The following KLRD1 variants were observed in gnomAD, a reference collection of about 807,000 sequenced individuals.
KLRD1 encodes the protein natural killer cells antigen CD94.
KLRD1 carries 21 observed loss-of-function variants against 22.6 expected under a neutral mutation model. The observed-to-expected ratio is 0.93, with a 90% CI of 0.66 to 1.34. The LOEUF (loss-of-function observed/expected upper bound fraction) is 1.34, where lower values mean the gene tolerates loss of function less well. Ranked by LOEUF, KLRD1 falls within the 40% of genes most tolerant of loss-of-function variation. The probability of loss-of-function intolerance (pLI) is 0.00; values close to 1 mark genes in which losing one functional copy is unlikely to be tolerated. For synonymous variants in KLRD1, 59 were observed against 71.1 expected, an observed-to-expected ratio of 0.83 and a Z score of 0.85; for missense variants, 183 against 208.6, an observed-to-expected ratio of 0.88 and a Z score of 0.76.
rs1488232010 is a variant in KLRD1, at chr12:10,327,628, A to G, written c.*12835A>G. On this transcript the variant is annotated 3_prime_UTR_variant, in exon 6 of 6. Coordinates refer to ENST00000336164, the MANE Select transcript of KLRD1 (RefSeq NM_002262.5). ...AGCATGCCATAGGCAAACAGGGACC[A>G]TTGTACTTCTTCTTTTACAATCTGT... 3 of 152,162 alleles carry G rather than the reference A, an allele frequency of 2.0e-5. No homozygotes were observed. Among genetic ancestry groups the G allele is most frequent in the Non-Finnish European group, 4.4e-5 (3 of 68,012 alleles). 9.4% of individuals were successfully genotyped at this position (152,162 alleles called of 1,614,324 possible).
rs1949719991 is a variant in KLRD1 at position 10,287,638 on chromosome 12, A to C, written c.-100-20340A>C. 7.9e-5 allele frequency among the ~76,000 whole-genome samples: 12 copies of C among 152,366 alleles called. 1 individual carries two copies. In the South Asian group the frequency reaches 2.5e-3, roughly 32 times the overall value. ...TTAAATTATGCTTCTTAGAAGACAG[A>C]AGCATGAAATGGAGAAACGAGGAAA... On this transcript the variant is annotated intron_variant, in intron 1 of 5. Coordinates refer to the KLRD1 transcript ENST00000544747.
chr12:10,248,847 C>T (rs1949319399), intron 1 of KLRD1, among the ~76,000 whole-genome samples: 1 of 151,980 alleles, frequency 6.6e-6, no homozygotes, highest in African/African-American at 2.4e-5. Context: ...ATCCACCCAC[C>T]TCGGCCTCCC....
At chr12:10,298,646 A>G (rs1404321938) in intron 1 of KLRD1, among the ~76,000 whole-genome samples, 1 of 152,230 alleles carries the variant, frequency 6.6e-6, no homozygotes, top group Non-Finnish European at 1.5e-5. Flanking sequence ...CAGGGCGGGA[A>G]ACCTTTTAAG....
chr12:10,264,023 A>G, intron 1 of KLRD1, among the ~76,000 whole-genome samples: 1 of 152,128 alleles, frequency 6.6e-6, no homozygotes, highest in East Asian at 1.9e-4. Context: ...AAAATGAACT[A>G]ATGAGAAACC....
At chr12:10,285,079 C>A (rs1269714316) in intron 1 of KLRD1, among the ~76,000 whole-genome samples, 5 of 152,126 alleles carry the variant, frequency 3.3e-5, no homozygotes, top group Non-Finnish European at 7.4e-5. Flanking sequence ...TATAAAAGAA[C>A]AATCTATGCC....
intron 1 of KLRD1, among the ~76,000 whole-genome samples, chr12:10,250,784 A>G (rs1949339586): frequency 6.6e-6 from 1 of 152,164 alleles, no homozygotes; most frequent in African/African-American, 2.4e-5. Flanking sequence ...AAGTGGTTTC[A>G]AAGTCACATA....
At chr12:10,313,622 G>A in intron 5 of KLRD1, 109 bp downstream of exon 5, 7 of 556,456 alleles carry the variant, frequency 1.3e-5, no homozygotes, top group South Asian at 3.1e-5. Flanking sequence ...CCTTGTCTAG[G>A]GCATGAGAAT....
At chr12:10,239,447 T>TTA (rs374533642) in intron 1 of KLRD1, among the ~76,000 whole-genome samples, 1,014 of 34,176 alleles carry the variant, frequency 0.03, 48 homozygotes, top group South Asian at 0.13. Flanking sequence ...CCTTCCTTCC[T>TTA]TCCTTCCTTC....
upstream of KLRD1, among the ~76,000 whole-genome samples, chr12:10,300,024 C>T (rs547605202): frequency 6.6e-6 from 1 of 152,190 alleles, no homozygotes; most frequent in Non-Finnish European, 1.5e-5. Context: ...GTTATTTCTA[C>T]CACATCTGCA....
chr12:10,314,708 G>A lies in KLRD1; in HGVS notation c.455G>A (p.Cys152Tyr). ...TTTGAAACTTTTAATACAAAGAACT[G>A]CATAGCGTATAATCCAAATGGAAAT... Reference protein sequence around the residue: ...PSFETFNTKNCIAYNPNGNAL... With the variant: ...PSFETFNTKNYIAYNPNGNAL... The change falls in exon 6 of 6, where the codon TGC (cysteine) becomes TAC (tyrosine). Residue 152 changes from cysteine (C) to tyrosine (Y), a missense_variant. Transcript: ENST00000336164. 1 of 1,592,778 alleles carries A rather than the reference G, an allele frequency of 6.3e-7. No homozygotes were observed. Among genetic ancestry groups the A allele is most frequent in the Middle Eastern group, 1.7e-4 (1 of 6,024 alleles).
At chr12:10,253,280 G>T (rs1417486031) in intron 1 of KLRD1, among the ~76,000 whole-genome samples, 3 of 152,122 alleles carry the variant, frequency 2.0e-5, no homozygotes, top group Admixed American at 2.0e-4. Context: ...CGTACGTTGG[G>T]CCCCTTGCAG....
intron 1 of KLRD1, among the ~76,000 whole-genome samples, chr12:10,256,602 T>A (rs550215965): frequency 6.6e-6 from 1 of 152,048 alleles, no homozygotes; most frequent in East Asian, 1.9e-4. Context: ...CCTACACAGC[T>A]CCACCCCTCT....
chr12:10,315,019 T>C lies in KLRD1; in HGVS notation c.*226T>C, dbSNP rs1361289465. 2 of 332,484 alleles carry C rather than the reference T, an allele frequency of 6.0e-6. No homozygotes were observed. The highest frequency in any genetic ancestry group is 1.1e-5 in the Non-Finnish European group (2 of 190,332). The allele number at this position is 332,484 out of a possible 1,614,324, so 20.6% of individuals were successfully genotyped here. A position where few individuals can be genotyped will look rare whatever the true frequency, so the allele number is the denominator to read the frequency against. On this transcript the variant is annotated 3_prime_UTR_variant, in exon 6 of 6. Transcript: ENST00000336164. ...AAATTAACATAAAGAATTTTGTATT[T>C]TCATTTAATGTATATATTTAATGTT...
intron 1 of KLRD1, among the ~76,000 whole-genome samples, chr12:10,244,838 G>C (rs1235674737): frequency 1.3e-5 from 2 of 151,862 alleles, no homozygotes; most frequent in African/African-American, 4.8e-5. Context: ...AAACTTCATT[G>C]AAGAAATCAT....
intron 1 of KLRD1, among the ~76,000 whole-genome samples, chr12:10,246,296 T>G (rs555327255): frequency 6.6e-6 from 1 of 152,260 alleles, no homozygotes; most frequent in African/African-American, 2.4e-5. Flanking sequence ...TTGTGTGTAT[T>G]ATATACTAGT....
At chr12:10,278,958 T>C (rs2137651860) in intron 1 of KLRD1, among the ~76,000 whole-genome samples, 1 of 152,026 alleles carries the variant, frequency 6.6e-6, no homozygotes, top group Non-Finnish European at 1.5e-5. Context: ...ATTCTTTTTT[T>C]TTTTTTTTGT....
chr12:10,239,763 T>A (rs1309427028), intron 1 of KLRD1, among the ~76,000 whole-genome samples: 1 of 150,422 alleles, frequency 6.6e-6, no homozygotes, highest in Admixed American at 6.6e-5. Context: ...TGCCTCAGCC[T>A]CCTAAGTAGC....
chr12:10,289,442 A>C (rs2137665032), intron 1 of KLRD1, among the ~76,000 whole-genome samples: 1 of 152,358 alleles, frequency 6.6e-6, no homozygotes, highest in African/African-American at 2.4e-5. Flanking sequence ...TATGCTAAAC[A>C]ATCAGGGAAA....
intron 1 of KLRD1, among the ~76,000 whole-genome samples, chr12:10,288,867 C>T (rs1949737540): frequency 6.6e-6 from 1 of 152,060 alleles, no homozygotes; most frequent in African/African-American, 2.4e-5. Context: ...TTAATGCGTA[C>T]CAAATGAGTG....
Sources: allele counts gnomAD v4.1 joint callset (sites outside exome capture counted in the v4.1 genomes callset), GRCh38; gene constraint gnomAD v4.1.1; transcripts MANE v1.5; gene names NCBI Gene and HGNC (gene_info 2026-07-23, HGNC 2026-07-21).